Variants in AGFG1 observed in about 807,000 individuals in gnomAD.
AGFG1 encodes the protein arf-GAP domain and FG repeat-containing protein 1.
A neutral mutation model predicts 60.6 loss-of-function variants in AGFG1; 10 were observed. The observed-to-expected ratio is 0.16, with a 90% CI of 0.10 to 0.28. The LOEUF (loss-of-function observed/expected upper bound fraction) is 0.28, where lower values mean the gene tolerates loss of function less well. AGFG1 is among the 10% of genes least tolerant of loss of function. AGFG1 has a pLI of 1.00. For synonymous variants in AGFG1, 247 were observed against 242.9 expected (o/e 1.02, Z -0.16); for missense variants, 537 against 676.5 (o/e 0.79, Z 2.29).
rs1692965625 is a variant in AGFG1, at chr2:227,556,145, G to A, written c.*1650G>A. The A allele has an allele frequency of 6.6e-6, 1 of 152,122 alleles. No individual in the cohort carries two copies. Among genetic ancestry groups the A allele is most frequent in the Non-Finnish European group, 1.5e-5 (1 of 68,014 alleles). The allele number at this position is 152,122 out of a possible 1,614,324, so 9.4% of individuals were successfully genotyped here. A position where few individuals can be genotyped will look rare whatever the true frequency, so the allele number is the denominator to read the frequency against. On this transcript the variant is annotated 3_prime_UTR_variant, in exon 13 of 13. Coordinates refer to ENST00000310078, the MANE Select transcript of AGFG1 (RefSeq NM_004504.5). ...CAGATATGTAGTACATATTTTAAAA[G>A]TTTTATCTTAAATTGATTAAAACTT...
intron 10 of AGFG1, 105 bp downstream of exon 10, chr2:227,537,098 G>A (rs1249078351): frequency 5.6e-6 from 5 of 885,650 alleles, no homozygotes; most frequent in Middle Eastern, 2.3e-4. Flanking sequence ...TTAGTGAAGT[G>A]AATGGCAATG....
Position 227,541,892 on chromosome 2 carries a change from T to C in AGFG1, c.1378+4899T>C, listed in dbSNP as rs1474764653. ...TTCATTGAGCAGTGGTTTGTAGTTCTCCTTGAAGAGGTCCTTCACATCCCT... is the reference window on the plus strand; with the variant it reads ...TTCATTGAGCAGTGGTTTGTAGTTCCCCTTGAAGAGGTCCTTCACATCCCT... On this transcript the variant is annotated intron_variant, in intron 10 of 12. Transcript: ENST00000310078. Among the ~76,000 whole-genome samples the C allele has an allele frequency of 2.6e-5, 4 of 152,252 alleles. No homozygotes were observed. The East Asian group carries it at 7.7e-4, about 29-fold the overall frequency.
At chr2:227,496,893 G>A (rs1244826414) in intron 2 of AGFG1, among the ~76,000 whole-genome samples, 1 of 151,934 alleles carries the variant, frequency 6.6e-6, no homozygotes, top group African/African-American at 2.4e-5. Context: ...ATTAATATTC[G>A]GGTTATGTAT....
chr2:227,472,195 G>A lies in AGFG1; in HGVS notation c.-227G>A, dbSNP rs193170755. 1.3e-3 allele frequency: 209 copies of A among 158,418 alleles called. 2 individuals are homozygous for A. The highest frequency in any genetic ancestry group is 9.8e-3 in the Admixed American group (150 of 15,302). 9.8% of individuals were successfully genotyped at this position (158,418 alleles called of 1,614,324 possible). A position where few individuals can be genotyped will look rare whatever the true frequency, so the allele number is the denominator to read the frequency against. On this transcript the variant is annotated 5_prime_UTR_variant, in exon 1 of 13. Transcript: ENST00000310078. ...TCGGGAAGGTGGCGGCGGCGGCGGC[G>A]GTTGTCCCGGCTGTGCCGGTTGGTG...
intron 2 of AGFG1, among the ~76,000 whole-genome samples, chr2:227,516,615 A>C (rs1481300733): frequency 6.6e-6 from 1 of 152,194 alleles, no homozygotes; most frequent in Non-Finnish European, 1.5e-5. Flanking sequence ...ATTTTGAGGG[A>C]ATCCTGCAGG....
chr2:227,509,672 A>T (rs1007233835), intron 2 of AGFG1, among the ~76,000 whole-genome samples: 12 of 151,496 alleles, frequency 7.9e-5, no homozygotes, highest in African/African-American at 2.9e-4. Context: ...GGTATGTGGG[A>T]TGTGTTTCCA....
At chr2:227,476,212 A>G (rs960761884) in intron 1 of AGFG1, among the ~76,000 whole-genome samples, 6 of 152,320 alleles carry the variant, frequency 3.9e-5, no homozygotes, top group African/African-American at 1.4e-4. Context: ...AAGGCATCCT[A>G]ACTGATTGGT....
rs1238415489 is a variant in AGFG1, at chr2:227,555,853, A to T, written c.*1358A>T. 1 of 152,110 alleles carries T rather than the reference A, an allele frequency of 6.6e-6. No individual in the cohort carries two copies. Among genetic ancestry groups the T allele is most frequent in the Non-Finnish European group, 1.5e-5 (1 of 68,000 alleles). 9.4% of individuals were successfully genotyped at this position (152,110 alleles called of 1,614,324 possible). ...TCTGAGCAACCCATATAAGTCACAA[A>T]GTCTGTGTGTTAGAGCTTATGCATT... is the stretch of plus-strand genomic sequence containing the variant. On this transcript the variant is annotated 3_prime_UTR_variant, in exon 13 of 13. Transcript: ENST00000310078.
chr2:227,489,051 G>GT (rs1488322546), intron 1 of AGFG1, among the ~76,000 whole-genome samples: 1 of 151,974 alleles, frequency 6.6e-6, no homozygotes, highest in African/African-American at 2.4e-5. Context: ...CTGACCTCAA[G>GT]TGATCTTTCC....
chr2:227,478,907 CTT>C (rs1690371662), intron 1 of AGFG1, among the ~76,000 whole-genome samples: 1 of 152,150 alleles, frequency 6.6e-6, no homozygotes, highest in Admixed American at 6.5e-5. Flanking sequence ...TCTAAAAATA[CTT>C]AGTTTACATG....
intron 2 of AGFG1, among the ~76,000 whole-genome samples, chr2:227,504,049 G>C (rs542720858): frequency 3.9e-5 from 6 of 152,220 alleles, no homozygotes; most frequent in Non-Finnish European, 8.8e-5. Context: ...TGTATTTACT[G>C]TTTATTAAGT....
chr2:227,497,432 C>T (rs1691006487), intron 2 of AGFG1, among the ~76,000 whole-genome samples: 1 of 151,956 alleles, frequency 6.6e-6, no homozygotes, highest in African/African-American at 2.4e-5. Context: ...GCCATTTTAC[C>T]AATGCTGGCT....
At position 227,533,537 on chromosome 2, in the gene AGFG1, A is replaced by G. The variant is rs764675021; in HGVS notation, c.815-12A>G. Reference sequence around the variant, plus strand: ...CTTAGAAATTTCAAGTGCTCTGTTTATTCTGTTACAGGTGGAAGTGCTGCA... The same window carrying G: ...CTTAGAAATTTCAAGTGCTCTGTTTGTTCTGTTACAGGTGGAAGTGCTGCA... On this transcript the variant is annotated splice_polypyrimidine_tract_variant and intron_variant, in intron 6 of 12. Transcript: ENST00000310078. 3.7e-5 allele frequency: 59 copies of G among 1,612,132 alleles called. No individual in the cohort carries two copies. Among genetic ancestry groups the G allele is most frequent in the Admixed American group, 1.7e-4 (10 of 59,926 alleles).
chr2:227,558,095 G>C lies in AGFG1; in HGVS notation c.*3600G>C, dbSNP rs1318380754. On this transcript the variant is annotated 3_prime_UTR_variant, in exon 13 of 13. Transcript: ENST00000310078. ...AGGTAATAATAGCAGTGGTATTATG[G>C]GCTGTGTATGAGATAGTCATTTGTA... The C allele has an allele frequency of 6.6e-6, 1 of 152,046 alleles. No individual in the cohort carries two copies. The highest frequency in any genetic ancestry group is 2.4e-5 in the African/African-American group (1 of 41,394). The allele number at this position is 152,046 out of a possible 1,614,324, so 9.4% of individuals were successfully genotyped here.
At chr2:227,472,654 C>T (rs1690129265) in intron 1 of AGFG1, 66 bp downstream of exon 1, 21 of 1,503,874 alleles carry the variant, frequency 1.4e-5, no homozygotes, top group Admixed American at 4.1e-5. Flanking sequence ...GGCGGCGGGA[C>T]CGGGACCCTT....
chr2:227,528,736 A>G (rs911186883), intron 5 of AGFG1, among the ~76,000 whole-genome samples: 2 of 152,040 alleles, frequency 1.3e-5, no homozygotes, highest in African/African-American at 2.4e-5. Context: ...TTGTAGCCCT[A>G]TTGGCCAAAA....
In AGFG1 at chr2:227,552,009, CCTG is replaced by C. The variant is rs1692835772; in HGVS notation, c.1432_1434del (p.Ala478del). 1.2e-6 allele frequency: 2 copies of C among 1,614,192 alleles called. No homozygotes were observed. Among genetic ancestry groups the C allele is most frequent in the Non-Finnish European group, 1.7e-6 (2 of 1,180,036 alleles). ...GAGCATGCCCACAGGATTCGGCACTCCTGCTCCCTACAGTCTTCCCACCAGCTT... is the reference window on the plus strand; with the variant it reads ...GAGCATGCCCACAGGATTCGGCACTCCTCCCTACAGTCTTCCCACCAGCTT... On this transcript the variant is annotated inframe_deletion, in exon 11 of 13. Coordinates refer to ENST00000310078, the MANE Select transcript of AGFG1 (RefSeq NM_004504.5).
intron 2 of AGFG1, among the ~76,000 whole-genome samples, chr2:227,496,548 C>T (rs911553817): frequency 6.6e-6 from 1 of 152,138 alleles, no homozygotes; most frequent in Non-Finnish European, 1.5e-5. Context: ...CAGTCTTCTA[C>T]ATGCAGGAGA....
intron 5 of AGFG1, among the ~76,000 whole-genome samples, chr2:227,530,076 T>A (rs2106216569): frequency 6.6e-6 from 1 of 152,280 alleles, no homozygotes. Flanking sequence ...AATATGTGTT[T>A]TTCTTTGAAG....
Sources: gnomAD v4.1 joint callset for allele counts (sites outside exome capture counted in the v4.1 genomes callset) on GRCh38, gnomAD v4.1.1 for gene constraint, MANE v1.5 for transcripts, NCBI Gene and HGNC (gene_info 2026-07-23, HGNC 2026-07-21) for gene names.